Variants in SETD6 observed in about 807,000 individuals in gnomAD.
SETD6 encodes the protein N-lysine methyltransferase SETD6.
In SETD6, 67 loss-of-function variants were observed where a neutral mutation model predicts 52.7. The observed-to-expected ratio is 1.27, with a 90% CI of 1.04 to 1.56. The LOEUF is 1.56. Among genes scored for constraint, SETD6 ranks in the 40% most tolerant of loss-of-function variants. SETD6 has a pLI of 0.00. For missense variants in SETD6, 712 were observed against 607.5 expected (o/e 1.17, Z -1.81); for synonymous variants, 307 against 250.2 (o/e 1.23, Z -2.14).
In SETD6 at chr16:58,516,574, C is replaced by T; in HGVS notation, c.573C>T (p.Ile191=). ...LANIRSEYQS[I]VLPFMEAHPD... ...ACATCCGCAGCGAGTACCAGTCCAT[C>T]GTGCTGCCCTTCATGGAAGCCCACC... Residue 191 remains isoleucine (I), a synonymous_variant, in exon 4 of 8, where the codon ATC becomes ATT. Transcript: ENST00000219315. 6.2e-7 allele frequency: 1 copy of T among 1,614,184 alleles called. No homozygotes were observed. The highest frequency in any genetic ancestry group is 2.2e-5 in the East Asian group (1 of 44,870).
In SETD6 at chr16:58,515,951, A is replaced by AGGTGGCG. The variant is rs1205210969; in HGVS notation, c.190_196dup (p.Val66GlyfsTer112). On this transcript the variant is annotated frameshift_variant, in exon 2 of 8. Coordinates refer to ENST00000219315, the MANE Select transcript of SETD6 (RefSeq NM_001160305.4). LOFTEE classifies it high-confidence loss of function. Reference sequence around the variant, plus strand: ...GCTGCCCTGACCAGCCCTCCTGCTCAGGTGGCGGTCAGCCGGCAGGGCACG... The same window carrying AGGTGGCG: ...GCTGCCCTGACCAGCCCTCCTGCTCAGGTGGCGGGTGGCGGTCAGCCGGCAGGGCACG... 1 of 1,525,736 alleles carries AGGTGGCG rather than the reference A, an allele frequency of 6.6e-7. No homozygotes were observed. The allele number at this position is 1,525,736 out of a possible 1,614,324, so 94.5% of individuals were successfully genotyped here. A position where few individuals can be genotyped will look rare whatever the true frequency, so the allele number is the denominator to read the frequency against.
At position 58,520,823 on chromosome 16, in the gene SETD6, C is replaced by T. The variant is rs1050184268; in HGVS notation, c.*1794C>T. The T allele has an allele frequency of 4.5e-6, 4 of 879,696 alleles. No homozygotes were observed. Among genetic ancestry groups the T allele is most frequent in the Non-Finnish European group, 3.6e-6 (2 of 558,820 alleles). 54.5% of individuals were successfully genotyped at this position (879,696 alleles called of 1,614,324 possible). A position where few individuals can be genotyped will look rare whatever the true frequency, so the allele number is the denominator to read the frequency against. On this transcript the variant is annotated 3_prime_UTR_variant, in exon 8 of 8. Transcript: ENST00000219315. ...ACATAAGACAGGAGGCTGATCCCAA[C>T]AGTAGTTGGGGCAGATACCCACAAA...
intron 7 of SETD6, 60 bp from the exon 8 acceptor site, chr16:58,518,664 A>C (rs1741616957): frequency 6.3e-7 from 1 of 1,594,616 alleles, no homozygotes; most frequent in Admixed American, 1.9e-5. Flanking sequence ...TAGTCTCCTG[A>C]GTCATTTCAG....
At position 58,521,318 on chromosome 16, in the gene SETD6, C is replaced by CTGGAAAAAGGGAGAAAGA; in HGVS notation, c.*2290_*2307dup. 6.3e-7 allele frequency: 1 copy of CTGGAAAAAGGGAGAAAGA among 1,595,812 alleles called. No homozygotes were observed. The highest frequency in any genetic ancestry group is 1.4e-5 in the African/African-American group (1 of 73,558). Reference sequence around the variant, plus strand: ...TACAATCAACCGTTCCAAGAGAACTCTGGAAAAAGGGAGAAAGAGCTAGTT... The same window carrying CTGGAAAAAGGGAGAAAGA: ...TACAATCAACCGTTCCAAGAGAACTCTGGAAAAAGGGAGAAAGATGGAAAAAGGGAGAAAGAGCTAGTT... On this transcript the variant is annotated 3_prime_UTR_variant, in exon 8 of 8. Coordinates refer to ENST00000219315, the MANE Select transcript of SETD6 (RefSeq NM_001160305.4).
rs559186960 is a variant in SETD6 at position 58,522,491 on chromosome 16, T to G, written c.*3462T>G. Among the ~76,000 whole-genome samples, 7 of 119,008 alleles carry G rather than the reference T, an allele frequency of 5.9e-5. No homozygotes were observed. In the Admixed American group the frequency reaches 6.2e-4, roughly 11 times the overall value. The allele number at this position is 119,008 out of a possible 152,430, so 78.1% of individuals were successfully genotyped here. A position where few individuals can be genotyped will look rare whatever the true frequency, so the allele number is the denominator to read the frequency against. ...GTACACAAATCAAAGGAATACCATA[T>G]TTAGCACCATAGGTGACTAATTAGG... On this transcript the variant is annotated 3_prime_UTR_variant, in exon 8 of 8. Transcript: ENST00000219315.
rs780287321 is a variant in SETD6 at position 58,520,947 on chromosome 16, T to C, written c.*1918T>C. The C allele has an allele frequency of 7.4e-6, 12 of 1,612,230 alleles. No individual in the cohort carries two copies. Among genetic ancestry groups the C allele is most frequent in the Admixed American group, 6.7e-5 (4 of 59,996 alleles). ...TCTAGACTGACACGTACAACAGAGATGCAGTTTCGTCTAACTGGCACCTGT... is the reference window on the plus strand; with the variant it reads ...TCTAGACTGACACGTACAACAGAGACGCAGTTTCGTCTAACTGGCACCTGT... On this transcript the variant is annotated 3_prime_UTR_variant, in exon 8 of 8. Coordinates refer to ENST00000219315, the MANE Select transcript of SETD6 (RefSeq NM_001160305.4).
Position 58,519,205 on chromosome 16 carries a change from T to A in SETD6, c.*176T>A, listed in dbSNP as rs186560541. The A allele has an allele frequency of 5.3e-4, 325 of 618,352 alleles. 2 individuals are homozygous for A. The highest frequency in any genetic ancestry group is 1.4e-4 in the Non-Finnish European group (50 of 361,610). The allele number at this position is 618,352 out of a possible 1,614,324, so 38.3% of individuals were successfully genotyped here. A position where few individuals can be genotyped will look rare whatever the true frequency, so the allele number is the denominator to read the frequency against. On this transcript the variant is annotated 3_prime_UTR_variant, in exon 8 of 8. Transcript: ENST00000219315. ...CAGGTAAGGGTGATGTGTTTTAGGA[T>A]TGAGAACAGCAGACTTGGGAATCAC...
At position 58,523,318 on chromosome 16, in the gene SETD6, T is replaced by A. The variant is rs941412039; in HGVS notation, c.*4289T>A. ...AAGCATAAAGAGGAAAAAAAAAAGA[T>A]GAAAGGGAGGAGATCCTTTTGAAGC... On this transcript the variant is annotated 3_prime_UTR_variant, in exon 8 of 8. Transcript: ENST00000219315. 5 of 1,483,042 alleles carry A rather than the reference T, an allele frequency of 3.4e-6. No homozygotes were observed. The highest frequency in any genetic ancestry group is 2.2e-5 in the Admixed American group (1 of 44,964). The allele number at this position is 1,483,042 out of a possible 1,614,324, so 91.9% of individuals were successfully genotyped here.
Position 58,522,991 on chromosome 16 carries a change from A to G in SETD6, c.*3962A>G, listed in dbSNP as rs2151889479. On this transcript the variant is annotated 3_prime_UTR_variant, in exon 8 of 8. Coordinates refer to ENST00000219315, the MANE Select transcript of SETD6 (RefSeq NM_001160305.4). ...CCGGGTGCAGTGGCTCACGCCTGTA[A>G]TCCCAGCACTTTGGGAGGCTGAGGC... is the stretch of plus-strand genomic sequence containing the variant. 1 of 156,490 alleles carries G rather than the reference A, an allele frequency of 6.4e-6. No individual in the cohort carries two copies. The highest frequency in any genetic ancestry group is 1.4e-5 in the Non-Finnish European group (1 of 70,744). 9.7% of individuals were successfully genotyped at this position (156,490 alleles called of 1,614,324 possible).
chr16:58,517,689 T>C, intron 5 of SETD6: 1 of 275,286 alleles, frequency 3.6e-6, no homozygotes, highest in Non-Finnish European at 7.0e-6. Flanking sequence ...TTGGCCAGGC[T>C]GGTCTTGAAC....
In SETD6 at chr16:58,520,202, T is replaced by C. The variant is rs984570924; in HGVS notation, c.*1173T>C. 3 of 151,528 alleles carry C rather than the reference T, an allele frequency of 2.0e-5. No homozygotes were observed. Among genetic ancestry groups the C allele is most frequent in the African/African-American group, 7.3e-5 (3 of 41,136 alleles). 9.4% of individuals were successfully genotyped at this position (151,528 alleles called of 1,614,324 possible). On this transcript the variant is annotated 3_prime_UTR_variant, in exon 8 of 8. Transcript: ENST00000219315. ...TAATGAGATTTGGTTCCCTTTCCTA[T>C]ATTCCCACTGTTTTTAAGTTTCAGG...
rs765474032 is a variant in SETD6, at chr16:58,516,916, A to G, written c.780A>G (p.Leu260=). The change falls in exon 5 of 8, where the codon CTA becomes CTG. Residue 260 remains leucine, a synonymous_variant. Coordinates refer to ENST00000219315, the MANE Select transcript of SETD6 (RefSeq NM_001160305.4). ...ACTTAGCCAATCACAACGCCAATCT[A>G]GAATACTCTGCGGTGAGTGGAGTTT... ...LNHLANHNAN[L]EYSANCLRMV... is the part of the protein sequence containing the mutation. 2 of 1,614,216 alleles carry G rather than the reference A, an allele frequency of 1.2e-6. No individual in the cohort carries two copies. The highest frequency in any genetic ancestry group is 2.2e-5 in the East Asian group (1 of 44,872).
At position 58,523,662 on chromosome 16, in the gene SETD6, C is replaced by A; in HGVS notation, c.*4633C>A. The stretch of plus-strand genomic sequence containing the variant: ...ACCCCAAAGAGTTCTCATTTCTGTG[C>A]GTTTTATTTCAGAATTTTCCACATT... On this transcript the variant is annotated 3_prime_UTR_variant, in exon 8 of 8. Coordinates refer to ENST00000219315, the MANE Select transcript of SETD6 (RefSeq NM_001160305.4). The A allele has an allele frequency of 1.9e-6, 1 of 523,308 alleles. No homozygotes were observed. 32.4% of individuals were successfully genotyped at this position (523,308 alleles called of 1,614,324 possible).
chr16:58,518,957 G>A lies in SETD6; in HGVS notation c.1350G>A (p.Arg450=). The change falls in exon 8 of 8, where the codon AGG becomes AGA. Residue 450 remains arginine, a synonymous_variant. Transcript: ENST00000219315. ...NKEVYAKLSW[R]EQQALQVRYG... ...AAGTCTATGCGAAACTCAGCTGGAG[G>A]GAACAGCAAGCCTTACAGGTTCGCT... 6.2e-7 allele frequency: 1 copy of A among 1,614,188 alleles called. No individual in the cohort carries two copies.
At chr16:58,516,419 T>C (rs548330193) in intron 3 of SETD6, 59 bp from the exon 4 acceptor site, 2 of 1,613,048 alleles carry the variant, frequency 1.2e-6, no homozygotes, top group East Asian at 2.2e-5. Context: ...CCTGCACCAG[T>C]CCTACCCAGT....
At chr16:58,516,127 G>GGCGGT (rs767692568) in intron 2 of SETD6, 30 bp downstream of exon 2, 1 of 1,140,806 alleles carries the variant, frequency 8.8e-7, no homozygotes, top group Non-Finnish European at 1.1e-6. Context: ...AGGGCCCTGG[G>GGCGGT]GCGGGGCGGG....
At chr16:58,518,582 A>G in intron 7 of SETD6, 39 bp downstream of exon 7, 1 of 1,587,914 alleles carries the variant, frequency 6.3e-7, no homozygotes, top group Non-Finnish European at 8.5e-7. Flanking sequence ...CTGATAATCT[A>G]AGTATTTAAA....
chr16:58,523,364 G>A lies in SETD6; in HGVS notation c.*4335G>A, dbSNP rs528353760. 19 of 1,569,188 alleles carry A rather than the reference G, an allele frequency of 1.2e-5. No individual in the cohort carries two copies. Among genetic ancestry groups the A allele is most frequent in the Admixed American group, 3.6e-5 (2 of 54,804 alleles). ...GAAGCATTTAAAAAATAAGCTGCTC[G>A]CTTACCTTGTGATCTGTTCTTGGAT... On this transcript the variant is annotated 3_prime_UTR_variant, in exon 8 of 8. Transcript: ENST00000219315.
In SETD6 at chr16:58,520,990, G is replaced by A. The variant is rs776505145; in HGVS notation, c.*1961G>A. On this transcript the variant is annotated 3_prime_UTR_variant, in exon 8 of 8. Coordinates refer to ENST00000219315, the MANE Select transcript of SETD6 (RefSeq NM_001160305.4). Reference sequence around the variant, plus strand: ...GCACCTGTCCCTTCCATTACTTGCTGGGCCTGCTTCTGTCCCATGCAGCAC... The same window carrying A: ...GCACCTGTCCCTTCCATTACTTGCTAGGCCTGCTTCTGTCCCATGCAGCAC... 1 of 1,613,984 alleles carries A rather than the reference G, an allele frequency of 6.2e-7. No individual in the cohort carries two copies. Among genetic ancestry groups the A allele is most frequent in the Admixed American group, 1.7e-5 (1 of 60,030 alleles).
Sources: allele counts gnomAD v4.1 joint callset (sites outside exome capture counted in the v4.1 genomes callset), GRCh38; gene constraint gnomAD v4.1.1; transcripts MANE v1.5; gene names NCBI Gene and HGNC (gene_info 2026-07-23, HGNC 2026-07-21).